Variants in GRIA1 observed in about 807,000 individuals in gnomAD.
GRIA1 encodes the protein glutamate receptor 1.
In GRIA1, 31 loss-of-function variants were observed where a neutral mutation model predicts 99.2. That is an observed-to-expected ratio of 0.31 (90% CI 0.23 to 0.42). The LOEUF (loss-of-function observed/expected upper bound fraction) is 0.42. GRIA1 is among the 10% of genes least tolerant of loss of function. The probability of loss-of-function intolerance (pLI) is 1.00; values close to 1 mark genes in which losing one functional copy is unlikely to be tolerated. For missense variants in GRIA1, 782 were observed against 1,157.5 expected, an observed-to-expected ratio of 0.68 and a Z score of 4.71; for synonymous variants, 438 against 432.4, an observed-to-expected ratio of 1.01 and a Z score of -0.16.
chr5:153,747,021 A>C (rs908455288), intron 11 of GRIA1, among the ~76,000 whole-genome samples: 1 of 152,196 alleles, frequency 6.6e-6, no homozygotes, highest in Non-Finnish European at 1.5e-5. Flanking sequence ...TAAATTATTT[A>C]TTCACTCTGA....
At position 153,804,684 on chromosome 5, in the gene GRIA1, T is replaced by C. The variant is rs950330537; in HGVS notation, c.2520+2194T>C. On this transcript the variant is annotated intron_variant, in intron 15 of 15. Transcript: ENST00000285900. The stretch of plus-strand genomic sequence containing the variant: ...TCTTCTCCATTTGTTAACTATGTCA[T>C]CTTAGGTTTTAGTAACTCTCTGATC... 9.9e-5 allele frequency among the ~76,000 whole-genome samples: 15 copies of C among 152,126 alleles called. No individual in the cohort carries two copies. In the East Asian group the frequency reaches 2.9e-3, roughly 29 times the overall value.
intron 2 of GRIA1, among the ~76,000 whole-genome samples, chr5:153,587,949 A>G (rs1451905954): frequency 6.6e-6 from 1 of 152,234 alleles, no homozygotes; most frequent in African/African-American, 2.4e-5. Context: ...GGCATTTGAC[A>G]TAATCAGGAA....
chr5:153,551,848 G>C (rs1348986868), intron 2 of GRIA1, among the ~76,000 whole-genome samples: 1 of 152,126 alleles, frequency 6.6e-6, no homozygotes, highest in East Asian at 1.9e-4. Context: ...TGCCAAGAGT[G>C]TTTCCTTTCT....
At chr5:153,563,514 A>G (rs1266835759) in intron 2 of GRIA1, among the ~76,000 whole-genome samples, 1 of 152,248 alleles carries the variant, frequency 6.6e-6, no homozygotes, top group Non-Finnish European at 1.5e-5. Context: ...AGGTTAGTCT[A>G]TGGCTCAGAG....
chr5:153,547,742 T>C (rs1402983014), intron 2 of GRIA1, among the ~76,000 whole-genome samples: 1 of 152,186 alleles, frequency 6.6e-6, no homozygotes, highest in East Asian at 1.9e-4. Flanking sequence ...TGTGGCTCCA[T>C]GTAGCAGAGC....
At chr5:153,557,912 C>T (rs2149349011) in intron 2 of GRIA1, 1 of 152,272 alleles carries the variant, frequency 6.6e-6, no homozygotes, top group Non-Finnish European at 1.5e-5. Context: ...TATTTTACAG[C>T]TACCTTTTTT....
chr5:153,692,550 C>A (rs552666431), intron 8 of GRIA1, among the ~76,000 whole-genome samples: 13 of 152,316 alleles, frequency 8.5e-5, no homozygotes, highest in African/African-American at 2.9e-4. Flanking sequence ...TCTGCCTCTG[C>A]ATGACAACAA....
chr5:153,644,343 G>A (rs979854728), intron 2 of GRIA1, among the ~76,000 whole-genome samples: 1 of 152,132 alleles, frequency 6.6e-6, no homozygotes, highest in Admixed American at 6.6e-5. Context: ...GAGTGGCAGA[G>A]GATAAATGGC....
At chr5:153,596,851 T>C (rs1448117212) in intron 2 of GRIA1, among the ~76,000 whole-genome samples, 1 of 152,210 alleles carries the variant, frequency 6.6e-6, no homozygotes, top group East Asian at 1.9e-4. Flanking sequence ...ACAAGTTGTT[T>C]AATGAAAAAT....
chr5:153,753,580 T>C (rs1254221348), intron 11 of GRIA1, among the ~76,000 whole-genome samples: 1 of 152,144 alleles, frequency 6.6e-6, no homozygotes, highest in Non-Finnish European at 1.5e-5. Flanking sequence ...GAATTATAGT[T>C]CTCTTATCTC....
At chr5:153,688,707 C>T (rs1000785067) in intron 8 of GRIA1, among the ~76,000 whole-genome samples, 1 of 151,996 alleles carries the variant, frequency 6.6e-6, no homozygotes, top group Admixed American at 6.6e-5. Context: ...CCAAGGCCAT[C>T]TTCCTTTCAG....
At chr5:153,513,275 AC>A (rs1483935640) in intron 2 of GRIA1, among the ~76,000 whole-genome samples, 1 of 152,078 alleles carries the variant, frequency 6.6e-6, no homozygotes, top group African/African-American at 2.4e-5. Context: ...TAGAGACTAG[AC>A]CTGGGATTTT....
chr5:153,745,589 C>CAAAAAAAAAAA (rs58166158), intron 11 of GRIA1, among the ~76,000 whole-genome samples: 126 of 100,692 alleles, frequency 1.3e-3, no homozygotes, highest in Non-Finnish European at 1.7e-3. Flanking sequence ...AACTCTGTCT[C>CAAAAAAAAAAA]AAAAAAAAAA....
At chr5:153,810,605 T>A (rs1452631432) in intron 15 of GRIA1, among the ~76,000 whole-genome samples, 1 of 152,240 alleles carries the variant, frequency 6.6e-6, no homozygotes, top group Non-Finnish European at 1.5e-5. Context: ...TAAGGAGATA[T>A]GTACAGTCAC....
intron 14 of GRIA1, among the ~76,000 whole-genome samples, chr5:153,795,213 A>G (rs1765570495): frequency 6.6e-6 from 1 of 152,156 alleles, no homozygotes. Flanking sequence ...TTGGGCCAGT[A>G]TCTTCAGCAG....
chr5:153,774,796 G>C (rs1285527814), intron 13 of GRIA1, among the ~76,000 whole-genome samples: 1 of 152,206 alleles, frequency 6.6e-6, no homozygotes, highest in Non-Finnish European at 1.5e-5. Context: ...AGTCTACTTG[G>C]CAGAAGCCAG....
intron 2 of GRIA1, among the ~76,000 whole-genome samples, chr5:153,579,116 C>T (rs960241561): frequency 6.6e-6 from 1 of 151,972 alleles, no homozygotes; most frequent in African/African-American, 2.4e-5. Context: ...TATGAAAATG[C>T]TTTATAAACT....
At chr5:153,610,192 C>T (rs1398516679) in intron 2 of GRIA1, among the ~76,000 whole-genome samples, 1 of 152,192 alleles carries the variant, frequency 6.6e-6, no homozygotes, top group Admixed American at 6.5e-5. Context: ...AATAGGGTGA[C>T]TTACAAACAG....
At chr5:153,720,194 G>C (rs1300339097) in intron 11 of GRIA1, among the ~76,000 whole-genome samples, 3 of 152,108 alleles carry the variant, frequency 2.0e-5, no homozygotes, top group African/African-American at 4.8e-5. Context: ...AGTTAGCATC[G>C]AGCATTTTAT....
Sources: gnomAD v4.1 joint callset for allele counts (sites outside exome capture counted in the v4.1 genomes callset) on GRCh38, gnomAD v4.1.1 for gene constraint, MANE v1.5 for transcripts, NCBI Gene and HGNC (gene_info 2026-07-23, HGNC 2026-07-21) for gene names.